The following HECTD2 variants were observed in gnomAD, a reference collection of about 807,000 sequenced individuals.
The protein encoded by HECTD2 is HECT domain E3 ubiquitin protein ligase 2, also known as probable E3 ubiquitin-protein ligase HECTD2.
Under a neutral mutation model 103.2 loss-of-function variants are expected in HECTD2, and 35 were observed. That is an observed-to-expected ratio of 0.34 (90% CI 0.26 to 0.45). HECTD2 has a LOEUF of 0.45. Among genes scored for constraint, HECTD2 ranks in the 20% least tolerant of loss-of-function variants. The probability of loss-of-function intolerance (pLI) is 1.00; values close to 1 mark genes in which losing one functional copy is unlikely to be tolerated. For synonymous variants in HECTD2, 281 were observed against 329.9 expected (o/e 0.85, Z 1.61); for missense variants, 596 against 937.4 (o/e 0.64, Z 4.76).
At chr10:91,440,258 C>G (rs1300506089) in intron 2 of HECTD2, among the ~76,000 whole-genome samples, 3 of 152,040 alleles carry the variant, frequency 2.0e-5, no homozygotes, top group Non-Finnish European at 4.4e-5. Flanking sequence ...CCATCAATAC[C>G]TAGTTTATTG....
At chr10:91,414,324 A>T (rs1843036938) in intron 1 of HECTD2, among the ~76,000 whole-genome samples, 1 of 152,170 alleles carries the variant, frequency 6.6e-6, no homozygotes, top group Non-Finnish European at 1.5e-5. Flanking sequence ...GGTGAGCATA[A>T]GGTGTGTCGA....
intron 14 of HECTD2, among the ~76,000 whole-genome samples, chr10:91,495,096 T>C (rs1042827653): frequency 6.6e-6 from 1 of 151,990 alleles, no homozygotes; most frequent in Non-Finnish European, 1.5e-5. Context: ...ATTATGTGTG[T>C]TTATCACACA....
intron 1 of HECTD2, among the ~76,000 whole-genome samples, chr10:91,421,369 A>G (rs1194623799): frequency 1.3e-5 from 2 of 152,080 alleles, no homozygotes; most frequent in Non-Finnish European, 1.5e-5. Context: ...CATACATGCC[A>G]ATATTTCCCA....
At chr10:91,411,704 C>T (rs542642702) in intron 1 of HECTD2, among the ~76,000 whole-genome samples, 18 of 152,228 alleles carry the variant, frequency 1.2e-4, no homozygotes, top group Middle Eastern at 3.4e-3. Flanking sequence ...CAGCAAATTG[C>T]GAACAGTAAT....
intron 2 of HECTD2, among the ~76,000 whole-genome samples, chr10:91,454,351 G>A (rs1465429247): frequency 1.3e-5 from 2 of 151,994 alleles, no homozygotes; most frequent in Non-Finnish European, 2.9e-5. Flanking sequence ...TTAGAAATCA[G>A]TAACAGAAAA....
chr10:91,505,668 A>G (rs1413730352), intron 20 of HECTD2, among the ~76,000 whole-genome samples: 1 of 150,868 alleles, frequency 6.6e-6, no homozygotes, highest in Admixed American at 6.6e-5. Flanking sequence ...CCACACATTA[A>G]TAATGGGAGA....
At chr10:91,435,844 C>A (rs1006630385) in intron 2 of HECTD2, among the ~76,000 whole-genome samples, 1 of 151,856 alleles carries the variant, frequency 6.6e-6, no homozygotes, top group Non-Finnish European at 1.5e-5. Flanking sequence ...TCCTTTCTTT[C>A]TGGATCTCCT....
intron 20 of HECTD2, among the ~76,000 whole-genome samples, chr10:91,502,223 G>C (rs1846930112): frequency 6.6e-6 from 1 of 152,106 alleles, no homozygotes; most frequent in South Asian, 2.1e-4. Flanking sequence ...CTATCTACCA[G>C]TTTTCATTTC....
chr10:91,498,063 A>T, intron 15 of HECTD2, 45 bp from the exon 16 acceptor site: 1 of 1,270,534 alleles, frequency 7.9e-7, no homozygotes, highest in Non-Finnish European at 1.2e-6. Flanking sequence ...TATCCTAGCT[A>T]ATGCTATTCT....
In HECTD2 at chr10:91,481,044, T is replaced by C. The variant is rs189730911; in HGVS notation, c.666-50T>C. 4.0e-3 allele frequency: 4,524 copies of C among 1,129,492 alleles called. 77 individuals are homozygous for C. The highest frequency in any genetic ancestry group is 2.1e-3 in the Non-Finnish European group (1,633 of 771,102). The allele number at this position is 1,129,492 out of a possible 1,614,324, so 70.0% of individuals were successfully genotyped here. On this transcript the variant is annotated intron_variant, in intron 6 of 20. Transcript: ENST00000298068. ...TTTATTGGTCTTTTTCGTTAGATGC[T>C]ATGAGATTAAACATTCATCCATAAT...
chr10:91,472,115 A>G (rs1845750433), intron 5 of HECTD2, among the ~76,000 whole-genome samples: 1 of 152,230 alleles, frequency 6.6e-6, no homozygotes, highest in Non-Finnish European at 1.5e-5. Flanking sequence ...AAACAGACAC[A>G]TAGACCAATG....
At chr10:91,461,077 A>G (rs1426246077) in intron 3 of HECTD2, among the ~76,000 whole-genome samples, 177 bp from the exon 4 acceptor site, 1 of 152,234 alleles carries the variant, frequency 6.6e-6, no homozygotes, top group Non-Finnish European at 1.5e-5. Flanking sequence ...AGTTGAAGCT[A>G]GATTAATATC....
At chr10:91,457,564 C>G (rs1290701964) in intron 2 of HECTD2, among the ~76,000 whole-genome samples, 1 of 151,778 alleles carries the variant, frequency 6.6e-6, no homozygotes, top group Non-Finnish European at 1.5e-5. Context: ...TGATTCCATG[C>G]AGTAAAATAA....
At position 91,487,451 on chromosome 10, in the gene HECTD2, T is replaced by G. The variant is rs1846303974; in HGVS notation, c.1095-231T>G. ...AAGTGGTTAGCACACATTCAGAACC[T>G]TTGATGTAGCTTCTGCAGAGAATAA... On this transcript the variant is annotated intron_variant, in intron 10 of 20. Coordinates refer to ENST00000298068, the MANE Select transcript of HECTD2 (RefSeq NM_182765.6). The surrounding 1 kb of genome is among the most constrained non-coding windows in gnomAD (Gnocchi z 4.1). The G allele has an allele frequency of 1.9e-6, 1 of 514,972 alleles. No individual in the cohort carries two copies. Among genetic ancestry groups the G allele is most frequent in the African/African-American group, 1.9e-5 (1 of 51,784 alleles). The allele number at this position is 514,972 out of a possible 1,614,324, so 31.9% of individuals were successfully genotyped here. A position where few individuals can be genotyped will look rare whatever the true frequency, so the allele number is the denominator to read the frequency against.
intron 1 of HECTD2, among the ~76,000 whole-genome samples, chr10:91,420,448 G>C (rs12240706): frequency 0.094 from 14,284 of 151,220 alleles, 1,473 homozygotes; most frequent in African/African-American, 0.25. Context: ...AAAAAGCTGG[G>C]CATGGTGGCA....
chr10:91,506,308 C>A (rs1270983159), intron 20 of HECTD2, among the ~76,000 whole-genome samples: 2 of 152,262 alleles, frequency 1.3e-5, no homozygotes, highest in Non-Finnish European at 2.9e-5. Flanking sequence ...ACACAGAAAA[C>A]CCTTCAATAA....
intron 1 of HECTD2, among the ~76,000 whole-genome samples, chr10:91,413,587 A>G (rs1821002196): frequency 6.6e-6 from 1 of 152,258 alleles, no homozygotes; most frequent in Admixed American, 6.5e-5. Context: ...TTCCCTGGGT[A>G]TACCAAGATT....
intron 1 of HECTD2, among the ~76,000 whole-genome samples, chr10:91,422,098 T>C (rs1319322054): frequency 6.6e-6 from 1 of 152,164 alleles, no homozygotes; most frequent in African/African-American, 2.4e-5. Flanking sequence ...AATACAGATA[T>C]GATCATGTCA....
chr10:91,434,694 T>C (rs1844041762), intron 2 of HECTD2, among the ~76,000 whole-genome samples: 1 of 152,066 alleles, frequency 6.6e-6, no homozygotes, highest in Admixed American at 6.6e-5. Flanking sequence ...TCCATTTTAT[T>C]ATTTGTTTTT....
Sources: gnomAD v4.1 joint callset for allele counts (sites outside exome capture counted in the v4.1 genomes callset) on GRCh38, gnomAD v4.1.1 for gene constraint, Gnocchi (gnomAD v3.1) non-coding constraint, MANE v1.5 for transcripts, NCBI Gene and HGNC (gene_info 2026-07-23, HGNC 2026-07-21) for gene names.